COLEC10: variants seen among roughly 807,000 people sequenced by gnomAD.
The protein encoded by COLEC10 is collectin-10.
A neutral mutation model predicts 28.4 loss-of-function variants in COLEC10; 22 were observed. The observed-to-expected ratio is 0.78, with a 90% CI of 0.55 to 1.11. The LOEUF is 1.11. COLEC10 is among the 50% of genes least tolerant of loss of function. COLEC10 has a pLI of 0.00. For synonymous variants in COLEC10, 125 were observed against 116.1 expected, an observed-to-expected ratio of 1.08 and a Z score of -0.49; for missense variants, 361 against 344.1, an observed-to-expected ratio of 1.05 and a Z score of -0.39.
At chr8:119,061,081 T>G (rs1814847692) in intron 2 of COLEC10, among the ~76,000 whole-genome samples, 1 of 152,086 alleles carries the variant, frequency 6.6e-6, no homozygotes, top group African/African-American at 2.4e-5. Context: ...TCAATAAACA[T>G]TCGTTGAATG....
At chr8:119,070,450 T>C (rs907045454) in intron 1 of COLEC10, among the ~76,000 whole-genome samples, 1 of 126,284 alleles carries the variant, frequency 7.9e-6, no homozygotes, top group Non-Finnish European at 1.6e-5. Flanking sequence ...TCCCTCGCTC[T>C]CTCTCTCTCT....
chr8:118,955,225 T>C, the COLEC10 span, among the ~76,000 whole-genome samples: 1 of 152,338 alleles, frequency 6.6e-6, no homozygotes, highest in South Asian at 2.1e-4. Context: ...ATTTTAACCA[T>C]ATTAATATTT....
upstream of COLEC10, chr8:119,063,097 T>A (rs1269439076): frequency 6.6e-6 from 1 of 152,196 alleles, no homozygotes; most frequent in Admixed American, 6.5e-5. Flanking sequence ...TAGGATATGC[T>A]TTTTTCGTAT....
At chr8:119,070,684 G>A (rs72682416) in intron 1 of COLEC10, among the ~76,000 whole-genome samples, 26,305 of 149,112 alleles carry the variant, frequency 0.18, 3,303 homozygotes, top group African/African-American at 0.36. Context: ...ACCTCTAGTG[G>A]TCTCCCTTGA....
intron 2 of COLEC10, among the ~76,000 whole-genome samples, chr8:119,010,803 G>T (rs1813889375): frequency 1.3e-5 from 2 of 151,082 alleles, no homozygotes; most frequent in Admixed American, 1.3e-4. Context: ...CGCATCTTTA[G>T]TGAGGTGTCT....
intron 1 of COLEC10, among the ~76,000 whole-genome samples, chr8:119,004,562 T>C (rs77223899): frequency 0.044 from 6,614 of 150,650 alleles, 220 homozygotes; most frequent in East Asian, 0.16. Flanking sequence ...CAAGCATATA[T>C]ATCACCAAAT....
intron 1 of COLEC10, among the ~76,000 whole-genome samples, chr8:119,007,691 T>TA (rs1290886044): frequency 6.6e-6 from 1 of 150,990 alleles, no homozygotes; most frequent in Non-Finnish European, 1.5e-5. Flanking sequence ...TAATAGAACT[T>TA]AGAGTGAAAT....
chr8:119,057,196 G>A (rs1271918595), intron 2 of COLEC10, among the ~76,000 whole-genome samples: 3 of 151,768 alleles, frequency 2.0e-5, no homozygotes, highest in Admixed American at 6.6e-5. Flanking sequence ...AAGATCTGAT[G>A]GTTTTATAAG....
At chr8:118,990,827 A>C (rs75755870), upstream of COLEC10, among the ~76,000 whole-genome samples, 432 of 152,214 alleles carry the variant, frequency 2.8e-3, 2 homozygotes, top group African/African-American at 0.01. Flanking sequence ...TGGGCAAAGC[A>C]AACTGAGAGT....
At chr8:119,042,978 C>A (rs993151653) in intron 2 of COLEC10, among the ~76,000 whole-genome samples, 1 of 152,058 alleles carries the variant, frequency 6.6e-6, no homozygotes, top group East Asian at 1.9e-4. Flanking sequence ...AGAAAAAAAA[C>A]CATCTCTGTT....
At chr8:118,967,014 T>A in the COLEC10 span, among the ~76,000 whole-genome samples, 1 of 152,086 alleles carries the variant, frequency 6.6e-6, no homozygotes, top group Admixed American at 6.6e-5. Context: ...CCACTTTGAG[T>A]TCCTAGATTG....
chr8:119,078,990 TACACACACACAC>T (rs59453751), intron 1 of COLEC10, among the ~76,000 whole-genome samples: 4,671 of 143,024 alleles, frequency 0.033, 141 homozygotes, highest in East Asian at 0.17. Flanking sequence ...TGGGAAAACG[TACACACACACAC>T]ACACACACAC....
chr8:119,087,261 T>A (rs1021003765), intron 1 of COLEC10, among the ~76,000 whole-genome samples: 3 of 152,166 alleles, frequency 2.0e-5, no homozygotes, highest in Non-Finnish European at 4.4e-5. Context: ...GATCCCACCA[T>A]GCTTTGGGTC....
At chr8:118,985,693 A>G in the COLEC10 span, among the ~76,000 whole-genome samples, 2 of 152,042 alleles carry the variant, frequency 1.3e-5, no homozygotes, top group African/African-American at 4.8e-5. Flanking sequence ...TTATTAGGAA[A>G]TCCTGAAGAA....
intron 2 of COLEC10, among the ~76,000 whole-genome samples, chr8:119,011,954 T>C (rs1174347801): frequency 1.3e-5 from 2 of 150,864 alleles, no homozygotes; most frequent in Non-Finnish European, 2.9e-5. Flanking sequence ...TATTTTTTCC[T>C]GTTCTTGTCT....
rs752989802 is a variant in COLEC10 at position 119,106,145 on chromosome 8, A to G, written c.788A>G (p.His263Arg). The G allele has an allele frequency of 3.7e-6, 6 of 1,612,862 alleles. No individual in the cohort carries two copies. The highest frequency in any genetic ancestry group is 2.2e-5 in the East Asian group (1 of 44,808). ...GGCAGATGGAATGACACAGAGTGCC[A>G]TCTTACCATGTACTTTGTCTGTGAG... ...SSGRWNDTECHLTMYFVCEFI... is the reference protein window; with the variant it reads ...SSGRWNDTECRLTMYFVCEFI... Residue 263 changes from histidine to arginine, a missense_variant, in exon 6 of 6, where the codon CAT (histidine) becomes CGT (arginine). By Grantham distance (29) the His-to-Arg change is conservative. Coordinates refer to ENST00000332843, the MANE Select transcript of COLEC10 (RefSeq NM_006438.5).
At chr8:119,013,001 T>C (rs1302060578) in intron 2 of COLEC10, among the ~76,000 whole-genome samples, 1 of 149,280 alleles carries the variant, frequency 6.7e-6, no homozygotes, top group East Asian at 2.0e-4. Context: ...TAACTCTAGA[T>C]TTATTTTGCT....
intron 2 of COLEC10, among the ~76,000 whole-genome samples, chr8:119,017,484 G>A (rs1179299480): frequency 6.6e-6 from 1 of 152,176 alleles, no homozygotes; most frequent in African/African-American, 2.4e-5. Flanking sequence ...GTGTCGAGAA[G>A]GATTCTGAGG....
At chr8:119,004,037 T>C (rs1022629535) in intron 1 of COLEC10, among the ~76,000 whole-genome samples, 6 of 152,194 alleles carry the variant, frequency 3.9e-5, no homozygotes, top group African/African-American at 1.4e-4. Flanking sequence ...AACCAGGACA[T>C]ATGCTTAACC....
Sources: allele counts gnomAD v4.1 joint callset (sites outside exome capture counted in the v4.1 genomes callset), GRCh38; gene constraint gnomAD v4.1.1; transcripts MANE v1.5; gene names NCBI Gene and HGNC (gene_info 2026-07-23, HGNC 2026-07-21).